Variants in DCP1A observed in about 807,000 individuals in gnomAD.
The protein encoded by DCP1A is decapping mRNA 1A.
A neutral mutation model predicts 58.0 loss-of-function variants in DCP1A; 20 were observed. The ratio of observed to expected loss-of-function variants is 0.34; its 90% CI spans 0.24 to 0.50. DCP1A has a LOEUF of 0.50. Among genes scored for constraint, DCP1A ranks in the 20% least tolerant of loss-of-function variants. The probability of loss-of-function intolerance (pLI) is 0.98; values close to 1 mark genes in which losing one functional copy is unlikely to be tolerated. For missense variants in DCP1A, 613 were observed against 712.2 expected (o/e 0.86, Z 1.59); for synonymous variants, 285 against 275.1 (o/e 1.04, Z -0.36).
At chr3:53,338,823 T>C (rs1469919414) in intron 3 of DCP1A, among the ~76,000 whole-genome samples, 1 of 143,930 alleles carries the variant, frequency 6.9e-6, no homozygotes, top group African/African-American at 2.6e-5. Context: ...ATCATGCCAC[T>C]GCACTCCAGC....
At position 53,315,744 on chromosome 3, in the gene DCP1A, G is replaced by T. The variant is rs868965813; in HGVS notation, c.372-3365C>A. Among the ~76,000 whole-genome samples, 189 of 95,380 alleles carry T rather than the reference G, an allele frequency of 2.0e-3. 1 individual carries two copies. The highest frequency in any genetic ancestry group is 3.4e-3 in the African/African-American group (81 of 23,752). The allele number at this position is 95,380 out of a possible 152,430, so 62.6% of individuals were successfully genotyped here. On this transcript the variant is annotated intron_variant, in intron 4 of 9. Transcript: ENST00000610213. Reference sequence around the variant, plus strand: ...ATTGTTTGGAGTAAATCAGTTTGTTGTTTTTTTTTTTTGTTTTTTTTTTTT... The same window carrying T: ...ATTGTTTGGAGTAAATCAGTTTGTTTTTTTTTTTTTTTGTTTTTTTTTTTT...
At chr3:53,338,108 A>G (rs2089146278) in intron 3 of DCP1A, 1 of 431,338 alleles carries the variant, frequency 2.3e-6, no homozygotes, top group African/African-American at 2.0e-5. Context: ...AATCTCGAGC[A>G]GATTCCTAAA....
At position 53,319,637 on chromosome 3, in the gene DCP1A, T is replaced by C. The variant is rs566875059; in HGVS notation, c.305-164A>G. Among the ~76,000 whole-genome samples, 3 of 152,324 alleles carry C rather than the reference T, an allele frequency of 2.0e-5. No homozygotes were observed. In the South Asian group the frequency reaches 6.2e-4, roughly 32 times the overall value. On this transcript the variant is annotated intron_variant, in intron 3 of 9. Transcript: ENST00000610213. ...ACAAGTATCTCCTCCCCAAATTCTG[T>C]TTAATAAAATCAGGACAGGTAAAAC...
At chr3:53,302,090 A>G (rs545278003) in intron 6 of DCP1A, among the ~76,000 whole-genome samples, 1 of 152,328 alleles carries the variant, frequency 6.6e-6, no homozygotes, top group South Asian at 2.1e-4. Flanking sequence ...ACAAAAAGCT[A>G]TACATGAGAT....
In DCP1A at chr3:53,292,578, C is replaced by T. The variant is rs200464638; in HGVS notation, c.874G>A (p.Val292Met). Residue 292 changes from valine (V) to methionine (M), a missense_variant, in exon 7 of 10, where the codon GTG becomes ATG. Val to Met is a conservative substitution (Grantham distance 21, BLOSUM62 1). Transcript: ENST00000610213. ...HSVQPEITTP[V>M]LITPASITQS... ...GTGATGGAGGCTGGAGTGATTAGCA[C>T]CGGGGTGGTGATTTCAGGCTGGACT... 97 of 1,613,676 alleles carry T rather than the reference C, an allele frequency of 6.0e-5. No individual in the cohort carries two copies. Among genetic ancestry groups the T allele is most frequent in the Non-Finnish European group, 7.6e-5 (90 of 1,179,846 alleles).
chr3:53,313,419 C>CA (rs201356913), intron 4 of DCP1A, among the ~76,000 whole-genome samples: 156 of 127,654 alleles, frequency 1.2e-3, no homozygotes, highest in East Asian at 4.0e-3. Context: ...ACCTTGACTC[C>CA]AAAAAAAAAA....
At chr3:53,316,596 CTT>C (rs11351636) in intron 4 of DCP1A, among the ~76,000 whole-genome samples, 35,655 of 112,232 alleles carry the variant, frequency 0.32, 5,713 homozygotes, top group Non-Finnish European at 0.36. Context: ...TTCTTCTTCC[CTT>C]TTTTTTTTTT....
At position 53,285,276 on chromosome 3, in the gene DCP1A, T is replaced by C. The variant is rs1053234342; in HGVS notation, c.*2304A>G. The stretch of plus-strand genomic sequence containing the variant: ...AGCAATGTAAACATGCAACCTAAGC[T>C]AGCATGAGGTTCTAGATAGTAAGCC... On this transcript the variant is annotated 3_prime_UTR_variant, in exon 10 of 10. Coordinates refer to ENST00000610213, the MANE Select transcript of DCP1A (RefSeq NM_018403.7). The C allele has an allele frequency of 5.3e-5, 8 of 152,060 alleles. No individual in the cohort carries two copies. Among genetic ancestry groups the C allele is most frequent in the Non-Finnish European group, 8.8e-5 (6 of 67,988 alleles). 9.4% of individuals were successfully genotyped at this position (152,060 alleles called of 1,614,324 possible).
At chr3:53,333,747 C>T (rs2089059121) in intron 3 of DCP1A, among the ~76,000 whole-genome samples, 1 of 152,164 alleles carries the variant, frequency 6.6e-6, no homozygotes. Context: ...CTGACATATA[C>T]TAAGTATATA....
At chr3:53,338,860 CAAAA>C (rs35824245) in intron 3 of DCP1A, among the ~76,000 whole-genome samples, 1 of 108,178 alleles carries the variant, frequency 9.2e-6, no homozygotes, top group Non-Finnish European at 1.8e-5. Context: ...GGCTCCGTCT[CAAAA>C]AAAAAAAAAA....
intron 2 of DCP1A, 52 bp downstream of exon 2, chr3:53,344,850 A>G (rs2089273045): frequency 7.4e-7 from 1 of 1,355,458 alleles, no homozygotes; most frequent in South Asian, 1.2e-5. Context: ...ACCGTTTCAC[A>G]TTGTTCACCA....
chr3:53,335,748 C>T (rs1477526974), intron 3 of DCP1A, among the ~76,000 whole-genome samples: 1 of 152,184 alleles, frequency 6.6e-6, no homozygotes, highest in Non-Finnish European at 1.5e-5. Flanking sequence ...GAGTATCTTT[C>T]AATTAAAATT....
At chr3:53,322,997 T>C (rs1000385577) in intron 3 of DCP1A, among the ~76,000 whole-genome samples, 48 of 152,172 alleles carry the variant, frequency 3.2e-4, no homozygotes, top group Non-Finnish European at 5.9e-4. Flanking sequence ...GCTAACTTTT[T>C]GTATTTTTAG....
At chr3:53,324,156 AG>A (rs1409439526) in intron 3 of DCP1A, among the ~76,000 whole-genome samples, 2 of 152,246 alleles carry the variant, frequency 1.3e-5, no homozygotes, top group African/African-American at 4.8e-5. Context: ...GCCTAAAAAG[AG>A]CCAAACACTT....
intron 1 of DCP1A, among the ~76,000 whole-genome samples, chr3:53,347,078 T>C (rs1189844402): frequency 6.6e-6 from 1 of 152,162 alleles, no homozygotes; most frequent in Non-Finnish European, 1.5e-5. Context: ...TAACTCCCAA[T>C]GTATCTGCAA....
chr3:53,317,678 C>T (rs1707852667), intron 4 of DCP1A, among the ~76,000 whole-genome samples: 1 of 152,022 alleles, frequency 6.6e-6, no homozygotes, highest in Admixed American at 6.6e-5. Context: ...CGGCAACATC[C>T]TATCTCAAAA....
At chr3:53,338,101 C>G (rs1388630790) in intron 3 of DCP1A, 4 of 426,554 alleles carry the variant, frequency 9.4e-6, no homozygotes, top group African/African-American at 8.1e-5. Flanking sequence ...CTTTGCGAAT[C>G]TCGAGCAGAT....
intron 3 of DCP1A, among the ~76,000 whole-genome samples, chr3:53,340,991 C>T (rs1393132284): frequency 2.0e-5 from 3 of 152,228 alleles, no homozygotes; most frequent in African/African-American, 7.2e-5. Flanking sequence ...GTAACTGTAT[C>T]GTTAACATTA....
At chr3:53,328,068 C>A (rs921978647) in intron 3 of DCP1A, among the ~76,000 whole-genome samples, 1 of 151,652 alleles carries the variant, frequency 6.6e-6, no homozygotes, top group African/African-American at 2.4e-5. Context: ...TGCAGTGAGC[C>A]GAGATTGCGC....
Sources: allele counts gnomAD v4.1 joint callset (sites outside exome capture counted in the v4.1 genomes callset), GRCh38; gene constraint gnomAD v4.1.1; transcripts MANE v1.5; gene names NCBI Gene and HGNC (gene_info 2026-07-23, HGNC 2026-07-21).